Variants in LARP1 observed in about 807,000 individuals in gnomAD.
The protein encoded by LARP1 is la-related protein 1.
A neutral mutation model predicts 122.7 loss-of-function variants in LARP1; 36 were observed. The ratio of observed to expected loss-of-function variants is 0.29; its 90% CI spans 0.22 to 0.39. The LOEUF (loss-of-function observed/expected upper bound fraction) is 0.39, where lower values mean the gene tolerates loss of function less well. Ranked by LOEUF, LARP1 falls within the 10% of genes least tolerant of loss-of-function variation. LARP1 has a pLI of 1.00. For synonymous variants in LARP1, 539 were observed against 528.7 expected (o/e 1.02, Z -0.27); for missense variants, 1,040 against 1,403.6 (o/e 0.74, Z 4.14).
intron 1 of LARP1, among the ~76,000 whole-genome samples, chr5:154,789,312 C>T (rs1042017133): frequency 4.0e-5 from 6 of 150,650 alleles, no homozygotes; most frequent in Admixed American, 2.0e-4. Context: ...CCCCGCCTCC[C>T]GGGTTCAAGT....
intron 1 of LARP1, chr5:154,685,947 T>G: frequency 2.1e-6 from 1 of 474,432 alleles, no homozygotes; most frequent in Non-Finnish European, 4.0e-6. Context: ...TTAATCCTCC[T>G]TTGCCTGGAT....
chr5:154,775,611 G>A (rs191305342), intron 1 of LARP1, among the ~76,000 whole-genome samples: 1 of 152,098 alleles, frequency 6.6e-6, no homozygotes, highest in Non-Finnish European at 1.5e-5. Flanking sequence ...TTTGATTCTT[G>A]ACTGTTTTTA....
intron 1 of LARP1, among the ~76,000 whole-genome samples, chr5:154,697,202 C>CTTTTTTTTTTTTTTTTTT (rs11399407): frequency 7.1e-6 from 1 of 141,568 alleles, no homozygotes. Context: ...AGCTTTTTAT[C>CTTTTTTTTTTTTTTTTTT]TTTTTTTTTT....
intron 1 of LARP1, among the ~76,000 whole-genome samples, chr5:154,717,603 A>G (rs1004750697): frequency 1.3e-5 from 2 of 152,234 alleles, no homozygotes; most frequent in African/African-American, 4.8e-5. Context: ...CTCTGTCACC[A>G]TCACTTCACT....
chr5:154,777,775 G>A (rs904378526), intron 1 of LARP1, among the ~76,000 whole-genome samples: 6 of 152,026 alleles, frequency 3.9e-5, no homozygotes, highest in Admixed American at 1.3e-4. Context: ...TTATTATACC[G>A]TATCAAAGTA....
At chr5:154,739,010 T>TTTTG (rs752425603) in intron 1 of LARP1, among the ~76,000 whole-genome samples, 17 of 151,616 alleles carry the variant, frequency 1.1e-4, no homozygotes, top group South Asian at 2.1e-4. Context: ...ACTGGACAGT[T>TTTTG]TTTGTTTGTT....
chr5:154,749,926 C>T (rs752338289), intron 1 of LARP1, among the ~76,000 whole-genome samples: 1 of 152,242 alleles, frequency 6.6e-6, no homozygotes, highest in Non-Finnish European at 1.5e-5. Context: ...TCACTGCTCC[C>T]CCTCCAATAG....
rs576389578 is a variant in LARP1, at chr5:154,737,652, C to T, written c.205+24522C>T. Among the ~76,000 whole-genome samples the T allele has an allele frequency of 1.8e-4, 27 of 151,816 alleles. 1 individual carries two copies. The highest frequency in any genetic ancestry group is 5.8e-4 in the African/African-American group (24 of 41,414). ...GAGACGGGATTTCACCTTGTTGGTC[C>T]GACTGGTCTCGAACTCCTAATTTGA... On this transcript the variant is annotated intron_variant, in intron 1 of 18. Transcript: ENST00000336314.
chr5:154,805,917 C>G lies in LARP1; in HGVS notation c.2583C>G (p.Ser861Arg), dbSNP rs1319679645. Reference protein sequence around the residue: ...SPSEGTPTVGSYGCTPQSLPK... With the variant: ...SPSEGTPTVGRYGCTPQSLPK... The stretch of plus-strand genomic sequence containing the variant: ...CAGAAGGGACGCCTACAGTTGGCAG[C>G]TATGGCTGTACCCCTCAGTCATTGC... Residue 861 changes from serine to arginine, a missense_variant, in exon 15 of 19, where the codon AGC becomes AGG. Transcript: ENST00000518297. 6.2e-7 allele frequency: 1 copy of G among 1,614,176 alleles called. No individual in the cohort carries two copies. The highest frequency in any genetic ancestry group is 2.2e-5 in the East Asian group (1 of 44,872).
intron 1 of LARP1, among the ~76,000 whole-genome samples, chr5:154,780,160 C>T (rs1173289059): frequency 6.6e-6 from 1 of 152,134 alleles, no homozygotes; most frequent in Non-Finnish European, 1.5e-5. Flanking sequence ...GTGGAATTTT[C>T]AGGCTACCAA....
chr5:154,790,222 G>C, intron 1 of LARP1, 103 bp from the exon 2 acceptor site: 1 of 873,478 alleles, frequency 1.1e-6, no homozygotes, highest in Non-Finnish European at 1.8e-6. Flanking sequence ...TTGGGAACTT[G>C]CAGGTTGCTA....
chr5:154,811,493 TTCTGTACC>T lies in LARP1; in HGVS notation c.2954-16_2954-9del. Reference sequence around the variant, plus strand: ...TTCTTTATCCTCACCAGCTCAGCTTTTCTGTACCTCTCCCTACAGGCCAACTGTATGGG... The same window carrying T: ...TTCTTTATCCTCACCAGCTCAGCTTTTCTCCCTACAGGCCAACTGTATGGG... On this transcript the variant is annotated splice_polypyrimidine_tract_variant and intron_variant, in intron 17 of 18. Transcript: ENST00000518297. The T allele has an allele frequency of 6.2e-7, 1 of 1,614,192 alleles. No homozygotes were observed. The highest frequency in any genetic ancestry group is 8.5e-7 in the Non-Finnish European group (1 of 1,180,014).
chr5:154,794,272 C>G lies in LARP1; in HGVS notation c.1232+10C>G. 4.3e-6 allele frequency: 7 copies of G among 1,612,200 alleles called. No homozygotes were observed. The highest frequency in any genetic ancestry group is 5.9e-6 in the Non-Finnish European group (7 of 1,178,492). Reference sequence around the variant, plus strand: ...ACATCAAGCGCCAGATGTGAGTGTGCGGAAGCCTTCTTACCCTGGAGAAAT... The same window carrying G: ...ACATCAAGCGCCAGATGTGAGTGTGGGGAAGCCTTCTTACCCTGGAGAAAT... On this transcript the variant is annotated intron_variant, in intron 7 of 18. Transcript: ENST00000518297.
At chr5:154,715,532 C>T (rs949396253) in intron 1 of LARP1, among the ~76,000 whole-genome samples, 15 of 152,078 alleles carry the variant, frequency 9.9e-5, no homozygotes, top group African/African-American at 3.4e-4. Context: ...CATGAGCCAC[C>T]GTGCCCGACC....
intron 1 of LARP1, among the ~76,000 whole-genome samples, chr5:154,692,827 A>G (rs1263156592): frequency 6.6e-6 from 1 of 152,124 alleles, no homozygotes; most frequent in Non-Finnish European, 1.5e-5. Flanking sequence ...ACTCAGAATC[A>G]AGTAACCTCA....
chr5:154,731,812 G>A (rs564779438), intron 1 of LARP1, among the ~76,000 whole-genome samples: 106 of 151,880 alleles, frequency 7.0e-4, no homozygotes, highest in African/African-American at 2.4e-3. Flanking sequence ...GGCAGATCAC[G>A]AGGTCAAGAG....
intron 1 of LARP1, among the ~76,000 whole-genome samples, chr5:154,734,751 G>T (rs935795323): frequency 6.6e-6 from 1 of 152,020 alleles, no homozygotes; most frequent in Non-Finnish European, 1.5e-5. Flanking sequence ...TATTCACGTT[G>T]TTGGAAACAG....
upstream of LARP1, among the ~76,000 whole-genome samples, chr5:154,709,881 C>T (rs934044210): frequency 6.6e-6 from 1 of 152,124 alleles, no homozygotes; most frequent in South Asian, 2.1e-4. Context: ...AATCAAACCT[C>T]TCTGCTAATG....
chr5:154,794,354 TAGC>T (rs1757581067), intron 7 of LARP1, 92 bp downstream of exon 7: 1 of 1,265,530 alleles, frequency 7.9e-7, no homozygotes, highest in African/African-American at 1.5e-5. Context: ...TTCTGGTGCT[TAGC>T]AGCAGTTTCA....
Sources: allele counts gnomAD v4.1 joint callset (sites outside exome capture counted in the v4.1 genomes callset), GRCh38; gene constraint gnomAD v4.1.1; transcripts MANE v1.5; gene names NCBI Gene and HGNC (gene_info 2026-07-23, HGNC 2026-07-21).